The following SLC35C1 variants were observed in gnomAD, a reference collection of about 807,000 sequenced individuals.
SLC35C1 encodes the protein solute carrier family 35 member C1.
SLC35C1 carries 8 observed loss-of-function variants against 23.2 expected under a neutral mutation model. The ratio of observed to expected loss-of-function variants is 0.35; its 90% CI spans 0.20 to 0.62. SLC35C1 has a LOEUF of 0.62. Ranked by LOEUF, SLC35C1 falls within the 20% of genes least tolerant of loss-of-function variation. The probability of loss-of-function intolerance (pLI) is 0.75; values close to 1 mark genes in which losing one functional copy is unlikely to be tolerated. For missense variants in SLC35C1, 422 were observed against 478.6 expected (o/e 0.88, Z 1.10); for synonymous variants, 226 against 225.1 (o/e 1.00, Z -0.04).
chr11:45,805,584 GC>G lies in SLC35C1; in HGVS notation c.-213del. 2 of 1,454,656 alleles carry G rather than the reference GC, an allele frequency of 1.4e-6. No homozygotes were observed. Among genetic ancestry groups the G allele is most frequent in the East Asian group, 2.5e-5 (1 of 39,872 alleles). The allele number at this position is 1,454,656 out of a possible 1,614,324, so 90.1% of individuals were successfully genotyped here. ...CCCTTGCCCTGTGTCTTGTCTCAGA[GC>G]CCCCTCGGGGTGGGAGTAGGTTGTG... On this transcript the variant is annotated 5_prime_UTR_variant, in exon 1 of 2. The change abolishes the stop of an existing upstream ORF in the 5' untranslated region. Transcript: ENST00000314134.
chr11:45,810,207 G>A, intron 1 of SLC35C1: 2 of 985,424 alleles, frequency 2.0e-6, no homozygotes, highest in African/African-American at 1.7e-5. Context: ...CAAGATGAGA[G>A]TCTCAGAGTC....
upstream of SLC35C1, chr11:45,804,414 G>C (rs942632024): frequency 2.2e-6 from 2 of 898,158 alleles, no homozygotes; most frequent in African/African-American, 3.6e-5. Flanking sequence ...CCAGTGCACC[G>C]GAGGAGGTGA....
At chr11:45,810,650 T>C (rs2085928474) in intron 1 of SLC35C1, 126 bp from the exon 2 acceptor site, 1 of 1,455,592 alleles carries the variant, frequency 6.9e-7, no homozygotes, top group Admixed American at 2.4e-5. Context: ...GAGGGAGGCC[T>C]GGGGAGGAAC....
rs886048309 is a variant in SLC35C1 at position 45,805,284 on chromosome 11, C to A, written c.-518C>A. 1.7e-5 allele frequency: 18 copies of A among 1,040,000 alleles called. No individual in the cohort carries two copies. Among genetic ancestry groups the A allele is most frequent in the Non-Finnish European group, 2.0e-5 (17 of 860,630 alleles). The allele number at this position is 1,040,000 out of a possible 1,614,324, so 64.4% of individuals were successfully genotyped here. On this transcript the variant is annotated 5_prime_UTR_variant, in exon 1 of 2. Transcript: ENST00000314134. ...CCCCTCTGACCCTTCCGCAGCCCTC[C>A]CTCCAGCCGCGCCCGGCCTCCGGCA...
At chr11:45,808,706 C>T (rs142173211) in intron 1 of SLC35C1, among the ~76,000 whole-genome samples, 12 of 151,454 alleles carry the variant, frequency 7.9e-5, no homozygotes, top group African/African-American at 2.7e-4. Flanking sequence ...AGAGGAGGGT[C>T]GGGCTCTGTG....
chr11:45,811,080 C>A lies in SLC35C1; in HGVS notation c.840C>A (p.Ile280=), dbSNP rs368103927. The A allele has an allele frequency of 3.7e-5, 59 of 1,613,202 alleles. 2 individuals carry two copies. The African/African-American group carries it at 7.5e-4, about 20-fold the overall frequency. The change falls in exon 2 of 2, where the codon ATC becomes ATA. Residue 280 remains isoleucine, a synonymous_variant. Coordinates refer to ENST00000314134, the MANE Select transcript of SLC35C1 (RefSeq NM_018389.5). The stretch of plus-strand genomic sequence containing the variant: ...TGGGCGGCCTGTTTGGCTTTGCCAT[C>A]GGCTACGTGACAGGACTGCAGATCA... ...MTLGGLFGFA[I]GYVTGLQIKF...
rs2085947563 is a variant in SLC35C1, at chr11:45,811,455, T to A, written c.*120T>A. The A allele has an allele frequency of 4.0e-6, 3 of 754,202 alleles. No homozygotes were observed. The East Asian group carries it at 8.2e-5, about 21-fold the overall frequency. 46.7% of individuals were successfully genotyped at this position (754,202 alleles called of 1,614,324 possible). Reference sequence around the variant, plus strand: ...GCTGTGGTGTGGACTGGGTGCTACTTATAGACCCAATCAGAATACGGTGGT... The same window carrying A: ...GCTGTGGTGTGGACTGGGTGCTACTAATAGACCCAATCAGAATACGGTGGT... On this transcript the variant is annotated 3_prime_UTR_variant, in exon 2 of 2. Coordinates refer to ENST00000314134, the MANE Select transcript of SLC35C1 (RefSeq NM_018389.5).
chr11:45,809,748 T>G (rs1185811175), intron 1 of SLC35C1: 2 of 985,256 alleles, frequency 2.0e-6, no homozygotes. Context: ...CCCCAAAACT[T>G]TCCCCACTGC....
chr11:45,810,489 G>C, intron 1 of SLC35C1: 1 of 985,398 alleles, frequency 1.0e-6, no homozygotes, highest in Non-Finnish European at 1.2e-6. Context: ...TCTTACAATT[G>C]TAATTAAAGA....
Position 45,806,024 on chromosome 11 carries a change from T to C in SLC35C1, c.223T>C (p.Phe75Leu). ...CTCCCTGCGGCTGGACACCCCCATCTTCGTCACCTTCTACCAGTGCCTGGT... is the reference window on the plus strand; with the variant it reads ...CTCCCTGCGGCTGGACACCCCCATCCTCGTCACCTTCTACCAGTGCCTGGT... ...SPSLRLDTPIFVTFYQCLVTT... is the reference protein window; with the variant it reads ...SPSLRLDTPILVTFYQCLVTT... The change falls in exon 1 of 2, where the codon TTC becomes CTC. Residue 75 changes from phenylalanine to leucine, a missense_variant. Coordinates refer to ENST00000314134, the MANE Select transcript of SLC35C1 (RefSeq NM_018389.5). The C allele has an allele frequency of 6.2e-7, 1 of 1,613,940 alleles. No homozygotes were observed. The highest frequency in any genetic ancestry group is 1.1e-5 in the South Asian group (1 of 91,084).
At chr11:45,810,424 G>A (rs941036773) in intron 1 of SLC35C1, 4 of 985,282 alleles carry the variant, frequency 4.1e-6, no homozygotes, top group Admixed American at 6.2e-5. Context: ...CAGCACAGTC[G>A]CCCACTTACA....
chr11:45,809,978 G>C, intron 1 of SLC35C1: 1 of 984,850 alleles, frequency 1.0e-6, no homozygotes, highest in Non-Finnish European at 1.2e-6. Context: ...CTTTGACCTT[G>C]ACAGATGAGT....
upstream of SLC35C1, chr11:45,804,925 C>T (rs1189412196): frequency 1.5e-5 from 15 of 985,414 alleles, no homozygotes; most frequent in Non-Finnish European, 1.8e-5. Context: ...TTGATGGAGC[C>T]CTTCCAGGAA....
rs2085872592 is a variant in SLC35C1, at chr11:45,806,166, TG to T, written c.367del (p.Val123SerfsTer5). The T allele has an allele frequency of 1.2e-6, 2 of 1,606,032 alleles. No individual in the cohort carries two copies. The highest frequency in any genetic ancestry group is 1.7e-6 in the Non-Finnish European group (2 of 1,179,986). ...GCCCGCAGCGTCCTGCCCCTGTCGG[TG>T]GTCTTCATCGGCATGATCACCTTCA... ...RVARSVLPLS[V>X]VFIGMITFNN... On this transcript the variant is annotated frameshift_variant, in exon 1 of 2. Coordinates refer to ENST00000314134, the MANE Select transcript of SLC35C1 (RefSeq NM_018389.5). LOFTEE classifies it high-confidence loss of function.
chr11:45,807,868 G>T (rs1182869626), intron 1 of SLC35C1, among the ~76,000 whole-genome samples: 1 of 152,016 alleles, frequency 6.6e-6, no homozygotes, highest in Non-Finnish European at 1.5e-5. Context: ...ATGCCCCAGG[G>T]CTCTCTACTT....
rs2085877757 is a variant in SLC35C1 at position 45,806,356 on chromosome 11, A to G, written c.535+20A>G. 1.9e-6 allele frequency: 3 copies of G among 1,610,766 alleles called. No individual in the cohort carries two copies. The highest frequency in any genetic ancestry group is 2.5e-6 in the Non-Finnish European group (3 of 1,179,732). On this transcript the variant is annotated intron_variant, in intron 1 of 1. Transcript: ENST00000314134. The stretch of plus-strand genomic sequence containing the variant: ...TCATCGGTGAGTGGCAGCTGGGGCC[A>G]CGGGGGATAGAGTGGTCATGGGGAC...
At chr11:45,808,357 C>T (rs868672412) in intron 1 of SLC35C1, among the ~76,000 whole-genome samples, 10 of 151,960 alleles carry the variant, frequency 6.6e-5, no homozygotes, top group South Asian at 4.2e-4. Context: ...AAAAATTAGC[C>T]GGGCGTGGTG....
rs1420394328 is a variant in SLC35C1, at chr11:45,812,521, A to G, written c.*1186A>G. On this transcript the variant is annotated 3_prime_UTR_variant, in exon 2 of 2. Coordinates refer to ENST00000314134, the MANE Select transcript of SLC35C1 (RefSeq NM_018389.5). The stretch of plus-strand genomic sequence containing the variant: ...AAGATCAAGAGGCCAGCAGATTCGG[A>G]CTCCGCTGAGGGCTGTTTCCCGATC... 2.2e-6 allele frequency: 1 copy of G among 455,544 alleles called. No individual in the cohort carries two copies. Among genetic ancestry groups the G allele is most frequent in the Non-Finnish European group, 4.4e-6 (1 of 226,670 alleles). The allele number at this position is 455,544 out of a possible 1,614,324, so 28.2% of individuals were successfully genotyped here. A position where few individuals can be genotyped will look rare whatever the true frequency, so the allele number is the denominator to read the frequency against.
intron 1 of SLC35C1, among the ~76,000 whole-genome samples, chr11:45,807,305 G>A (rs1255222168): frequency 2.0e-5 from 3 of 152,188 alleles, no homozygotes; most frequent in Non-Finnish European, 4.4e-5. Context: ...TAAGCAAAAT[G>A]TTAAACATTC....
Sources: gnomAD v4.1 joint callset for allele counts (sites outside exome capture counted in the v4.1 genomes callset) on GRCh38, gnomAD v4.1.1 for gene constraint, MANE v1.5 for transcripts, NCBI Gene and HGNC (gene_info 2026-07-23, HGNC 2026-07-21) for gene names.